The following CDH18 variants were observed in gnomAD, a reference collection of about 807,000 sequenced individuals.
The protein encoded by CDH18 is cadherin 18, also known as cadherin-18.
Under a neutral mutation model 67.9 loss-of-function variants are expected in CDH18, and 31 were observed. The ratio of observed to expected loss-of-function variants is 0.46; its 90% CI spans 0.34 to 0.62. The LOEUF is 0.62. Ranked by LOEUF, CDH18 falls within the 20% of genes least tolerant of loss-of-function variation. The pLI, the probability that CDH18 is intolerant of heterozygous loss-of-function variation, is 0.01. For synonymous variants in CDH18, 362 were observed against 347.2 expected (o/e 1.04, Z -0.48); for missense variants, 890 against 975.5 (o/e 0.91, Z 1.17).
At chr5:19,920,538 G>T (rs1377236820) in intron 2 of CDH18, among the ~76,000 whole-genome samples, 2 of 133,810 alleles carry the variant, frequency 1.5e-5, no homozygotes, top group East Asian at 2.2e-4. Flanking sequence ...TTTTCAGACG[G>T]TGTCTTGCCC....
chr5:19,716,764 T>A (rs1033227424), intron 5 of CDH18, among the ~76,000 whole-genome samples: 1 of 149,064 alleles, frequency 6.7e-6, no homozygotes, highest in African/African-American at 2.6e-5. Flanking sequence ...TCTTTGTATA[T>A]AAATAAAGAT....
At chr5:20,563,538 CTACTT>C (rs1758335842) in intron 1 of CDH18, among the ~76,000 whole-genome samples, 1 of 151,894 alleles carries the variant, frequency 6.6e-6, no homozygotes, top group South Asian at 2.1e-4. Flanking sequence ...AGAAAGGAAA[CTACTT>C]AAATGTCAAT....
At chr5:20,014,295 G>A (rs578039708) in intron 2 of CDH18, among the ~76,000 whole-genome samples, 1 of 152,234 alleles carries the variant, frequency 6.6e-6, no homozygotes, top group African/African-American at 2.4e-5. Context: ...GGGCAAGAAA[G>A]AGAAACAGAA....
At chr5:20,519,942 CTTTTTTTTTTTTTTTTTTTTTTT>C (rs777265512) in intron 1 of CDH18, among the ~76,000 whole-genome samples, 11 of 41,674 alleles carry the variant, frequency 2.6e-4, no homozygotes, top group South Asian at 8.8e-4. Flanking sequence ...ACAGTCTTGG[CTTTTTTTTTTTTTTTTTTTTTTT>C]TTTTTTTTTT....
intron 1 of CDH18, among the ~76,000 whole-genome samples, chr5:20,485,578 A>G (rs1753113957): frequency 6.6e-6 from 1 of 151,742 alleles, no homozygotes; most frequent in South Asian, 2.1e-4. Flanking sequence ...AATTTCCTCT[A>G]TTTCAAATTA....
intron 2 of CDH18, among the ~76,000 whole-genome samples, chr5:19,851,391 A>G (rs1783671595): frequency 1.3e-5 from 2 of 150,424 alleles, no homozygotes; most frequent in Non-Finnish European, 3.0e-5. Flanking sequence ...TAAAAAATAA[A>G]TAACAATAAA....
intron 2 of CDH18, among the ~76,000 whole-genome samples, chr5:20,204,737 CAAAA>C (rs1370979944): frequency 6.6e-6 from 1 of 151,506 alleles, no homozygotes; most frequent in Non-Finnish European, 1.5e-5. Context: ...AATTGCGAAA[CAAAA>C]AATCAAAATT....
chr5:19,655,659 T>G (rs1756258532), intron 5 of CDH18, among the ~76,000 whole-genome samples: 1 of 152,272 alleles, frequency 6.6e-6, no homozygotes, highest in African/African-American at 2.4e-5. Context: ...TCACACTAAT[T>G]AAGTGCTACA....
chr5:20,083,132 C>T (rs936639600), intron 2 of CDH18, among the ~76,000 whole-genome samples: 1 of 152,092 alleles, frequency 6.6e-6, no homozygotes, highest in Non-Finnish European at 1.5e-5. Flanking sequence ...TCATAGCACA[C>T]AGTACTGAAA....
Position 20,203,674 on chromosome 5 carries a change from T to C in CDH18, c.-518+51770A>G, listed in dbSNP as rs747274363. Among the ~76,000 whole-genome samples the C allele has an allele frequency of 3.6e-4, 53 of 146,988 alleles. 1 individual carries two copies. The highest frequency in any genetic ancestry group is 6.1e-4 in the Non-Finnish European group (41 of 67,040). ...AAAAAAAAAAGCCAGACAGAGAAGA[T>C]TGGAATAAAGAACTAATCCTTCAAT... On this transcript the variant is annotated intron_variant, in intron 2 of 14. Transcript: ENST00000507958.
At chr5:19,758,153 A>G (rs1771864016) in intron 3 of CDH18, among the ~76,000 whole-genome samples, 1 of 152,188 alleles carries the variant, frequency 6.6e-6, no homozygotes, top group Non-Finnish European at 1.5e-5. Flanking sequence ...CTGATCATAT[A>G]TATAACCACT....
intron 2 of CDH18, among the ~76,000 whole-genome samples, chr5:20,090,263 G>A (rs759185780): frequency 2.0e-5 from 3 of 152,122 alleles, no homozygotes; most frequent in Non-Finnish European, 2.9e-5. Context: ...TGGGCAGGGC[G>A]CACTGGCTCA....
chr5:20,476,007 G>C (rs939324067), intron 1 of CDH18, among the ~76,000 whole-genome samples: 7 of 152,156 alleles, frequency 4.6e-5, no homozygotes, highest in Non-Finnish European at 4.4e-5. Context: ...AACACCATAA[G>C]ATGTGCCAAC....
chr5:20,468,876 A>G (rs1241553071), intron 1 of CDH18, among the ~76,000 whole-genome samples: 3 of 152,222 alleles, frequency 2.0e-5, no homozygotes, highest in Non-Finnish European at 4.4e-5. Context: ...ATATTAGGTA[A>G]AGGGCTAAAT....
chr5:19,708,786 C>A (rs770497927), intron 5 of CDH18, among the ~76,000 whole-genome samples: 1 of 152,118 alleles, frequency 6.6e-6, no homozygotes, highest in Non-Finnish European at 1.5e-5. Flanking sequence ...CACTGGCTTG[C>A]TGTCAGTAAA....
chr5:20,229,016 C>T (rs1464502923), intron 2 of CDH18, among the ~76,000 whole-genome samples: 1 of 151,974 alleles, frequency 6.6e-6, no homozygotes, highest in Non-Finnish European at 1.5e-5. Flanking sequence ...TAGACTGATA[C>T]ATAGTCTAAT....
chr5:19,570,705 T>C lies in CDH18; in HGVS notation c.1253+874A>G, dbSNP rs113819514. On this transcript the variant is annotated intron_variant, in intron 8 of 12. Coordinates refer to ENST00000382275, the MANE Select transcript of CDH18 (RefSeq NM_004934.5). The stretch of plus-strand genomic sequence containing the variant: ...GTATGCAGCCTTTCTGATTTTGTTA[T>C]AAATGAGGGACACAAAAAAACTCCT... Among the ~76,000 whole-genome samples, 588 of 151,468 alleles carry C rather than the reference T, an allele frequency of 3.9e-3. 7 individuals carry two copies. Among genetic ancestry groups the C allele is most frequent in the African/African-American group, 0.014 (560 of 41,228 alleles).
chr5:19,665,341 T>C (rs1757762519), intron 5 of CDH18, among the ~76,000 whole-genome samples: 1 of 152,000 alleles, frequency 6.6e-6, no homozygotes, highest in African/African-American at 2.4e-5. Context: ...ACCAGATGCA[T>C]TTGTACTTTA....
intron 10 of CDH18, among the ~76,000 whole-genome samples, chr5:19,506,241 G>A (rs1744138914): frequency 6.6e-6 from 1 of 152,082 alleles, no homozygotes; most frequent in African/African-American, 2.4e-5. Flanking sequence ...ACAAACCACT[G>A]CTCAATGAAA....
Sources: gnomAD v4.1 joint callset for allele counts (sites outside exome capture counted in the v4.1 genomes callset) on GRCh38, gnomAD v4.1.1 for gene constraint, MANE v1.5 for transcripts, NCBI Gene and HGNC (gene_info 2026-07-23, HGNC 2026-07-21) for gene names.